PWWP2A: variants seen among roughly 807,000 people sequenced by gnomAD.
The protein encoded by PWWP2A is PWWP domain-containing protein 2A.
PWWP2A carries 18 observed loss-of-function variants against 48.5 expected under a neutral mutation model. The observed-to-expected ratio is 0.37, with a 90% CI of 0.26 to 0.55. The LOEUF (loss-of-function observed/expected upper bound fraction) is 0.55. PWWP2A is among the 20% of genes least tolerant of loss of function. The pLI, the probability that PWWP2A is intolerant of heterozygous loss-of-function variation, is 0.81. For synonymous variants in PWWP2A, 396 were observed against 387.7 expected (o/e 1.02, Z -0.25); for missense variants, 867 against 976.4 (o/e 0.89, Z 1.49).
At chr5:160,054,625 A>T in the PWWP2A span, among the ~76,000 whole-genome samples, 92 of 152,240 alleles carry the variant, frequency 6.0e-4, no homozygotes, top group African/African-American at 2.1e-3. Context: ...AAGAAAAAAG[A>T]AAAGAAAAAT....
chr5:160,093,305 A>T lies in PWWP2A; in HGVS notation c.1345T>A (p.Ser449Thr). The change falls in exon 2 of 2, where the codon TCC (serine) becomes ACC (threonine). Residue 449 changes from serine to threonine, a missense_variant. Physicochemically the swap from Ser to Thr is moderately conservative, Grantham distance 58 (BLOSUM62 1). Coordinates refer to ENST00000307063, the MANE Select transcript of PWWP2A (RefSeq NM_001130864.2). The surrounding 1 kb of genome is among the most constrained non-coding windows in gnomAD (Gnocchi z 5.8). The part of the protein sequence containing the change: ...AQKKQNETST[S>T]KNAHSKVHFT... ...TGGACTTTTGAATGTGCATTTTTGG[A>T]AGTAGAGGTTTCATTTTGCTTCTTT... is the stretch of plus-strand genomic sequence containing the variant. The T allele has an allele frequency of 6.2e-7, 1 of 1,613,878 alleles. No individual in the cohort carries two copies. Among genetic ancestry groups the T allele is most frequent in the Non-Finnish European group, 8.5e-7 (1 of 1,179,852 alleles).
chr5:160,100,670 AACT>A (rs1479612526), intron 1 of PWWP2A, among the ~76,000 whole-genome samples: 1 of 152,240 alleles, frequency 6.6e-6, no homozygotes, highest in African/African-American at 2.4e-5. Flanking sequence ...TGATTTTAGA[AACT>A]ACCTTGCCTT....
chr5:160,073,354 G>A (rs896694532), downstream of PWWP2A, among the ~76,000 whole-genome samples: 3 of 151,470 alleles, frequency 2.0e-5, no homozygotes, highest in East Asian at 2.0e-4. Flanking sequence ...TCAGCCTCCC[G>A]AGTAGCTGGG....
Position 160,077,999 on chromosome 5 carries a change from C to A in PWWP2A, c.*156G>T. ...ATACCTTTTCTTCGGTTTAAGACAG[C>A]ACAATTTGCAAGTGCCCCTTTATAG... On this transcript the variant is annotated 3_prime_UTR_variant, in exon 4 of 4. Coordinates refer to the PWWP2A transcript ENST00000456329. This position sits in a 1 kb window ranked among gnomAD's most constrained non-coding sequence, Gnocchi z 4.2. The A allele has an allele frequency of 1.7e-6, 1 of 603,164 alleles. No homozygotes were observed. Among genetic ancestry groups the A allele is most frequent in the Non-Finnish European group, 3.0e-6 (1 of 336,074 alleles). 37.4% of individuals were successfully genotyped at this position (603,164 alleles called of 1,614,324 possible).
At chr5:160,073,859 G>A (rs1421022113), downstream of PWWP2A, among the ~76,000 whole-genome samples, 2 of 151,976 alleles carry the variant, frequency 1.3e-5, no homozygotes, top group African/African-American at 4.8e-5. Context: ...GAGGTTGGGA[G>A]TTCAAGACCA....
At chr5:160,058,870 C>T (rs1016049059), downstream of PWWP2A, among the ~76,000 whole-genome samples, 1 of 152,138 alleles carries the variant, frequency 6.6e-6, no homozygotes, top group Non-Finnish European at 1.5e-5. Flanking sequence ...CAGTGAGCAG[C>T]AATTTTTTGA....
downstream of PWWP2A, among the ~76,000 whole-genome samples, chr5:160,060,929 G>T (rs975407640): frequency 6.6e-6 from 1 of 152,316 alleles, no homozygotes; most frequent in East Asian, 1.9e-4. Flanking sequence ...GAATAAATGG[G>T]CTCTTTCCCA....
At chr5:160,073,720 C>T (rs566303549), downstream of PWWP2A, among the ~76,000 whole-genome samples, 2 of 152,250 alleles carry the variant, frequency 1.3e-5, no homozygotes, top group Non-Finnish European at 2.9e-5. Flanking sequence ...TCCTTTACCC[C>T]AAGCTCACTA....
At chr5:160,096,444 GGACAA>G (rs1437976141) in intron 1 of PWWP2A, among the ~76,000 whole-genome samples, 2 of 152,126 alleles carry the variant, frequency 1.3e-5, no homozygotes, top group Non-Finnish European at 2.9e-5. Context: ...AAAGATGACA[GGACAA>G]AAGAGGTGCT....
intron 2 of PWWP2A, chr5:160,066,929 G>A (rs137890923): frequency 1.3e-4 from 20 of 152,214 alleles, no homozygotes; most frequent in African/African-American, 4.6e-4. Context: ...CATGCTACTT[G>A]GGAGGCTGAG....
At chr5:160,099,018 G>A (rs949348334) in intron 1 of PWWP2A, among the ~76,000 whole-genome samples, 3 of 152,104 alleles carry the variant, frequency 2.0e-5, no homozygotes, top group African/African-American at 4.8e-5. Flanking sequence ...ACAACTCCTC[G>A]GAGTGTTTGC....
chr5:160,098,166 C>T (rs1581219018), intron 1 of PWWP2A, among the ~76,000 whole-genome samples: 1 of 152,144 alleles, frequency 6.6e-6, no homozygotes, highest in African/African-American at 2.4e-5. Flanking sequence ...TAATATTTCG[C>T]AACTGGATTG....
chr5:160,087,980 T>C (rs1027156561), downstream of PWWP2A, among the ~76,000 whole-genome samples: 4 of 152,214 alleles, frequency 2.6e-5, no homozygotes, highest in African/African-American at 9.6e-5. Flanking sequence ...AACTTCCTAT[T>C]CCTTCGTTCA....
downstream of PWWP2A, among the ~76,000 whole-genome samples, chr5:160,071,036 A>T (rs779710910): frequency 2.0e-5 from 3 of 152,094 alleles, no homozygotes; most frequent in African/African-American, 2.4e-5. Flanking sequence ...AAAAATACAA[A>T]AAGTTAGCCA....
intron 1 of PWWP2A, among the ~76,000 whole-genome samples, chr5:160,098,333 G>A (rs1180461043): frequency 6.6e-6 from 1 of 152,162 alleles, no homozygotes; most frequent in Non-Finnish European, 1.5e-5. Flanking sequence ...TGTGTGGGTA[G>A]TGAATGCCTG....
chr5:160,069,784 T>A (rs1400843255), intron 2 of PWWP2A, among the ~76,000 whole-genome samples: 2 of 152,244 alleles, frequency 1.3e-5, no homozygotes, highest in African/African-American at 4.8e-5. Context: ...CACGGCCATG[T>A]AGAATGAACA....
the PWWP2A span, among the ~76,000 whole-genome samples, chr5:160,046,611 GTTATAT>G: frequency 6.6e-6 from 1 of 151,570 alleles, no homozygotes; most frequent in Admixed American, 6.6e-5. Context: ...AACATGTTAT[GTTATAT>G]TTATGTTTAT....
chr5:160,086,581 T>C (rs1754660534), downstream of PWWP2A, among the ~76,000 whole-genome samples: 1 of 152,000 alleles, frequency 6.6e-6, no homozygotes, highest in Non-Finnish European at 1.5e-5. Context: ...AAGTTTGCTA[T>C]TGGTGTGTTT....
downstream of PWWP2A, among the ~76,000 whole-genome samples, chr5:160,088,896 G>T (rs566943206): frequency 3.9e-5 from 6 of 152,106 alleles, no homozygotes; most frequent in Non-Finnish European, 1.5e-5. Context: ...TTAAACATAA[G>T]CAATTTTTAG....
Sources: gnomAD v4.1 joint callset for allele counts (sites outside exome capture counted in the v4.1 genomes callset) on GRCh38, gnomAD v4.1.1 for gene constraint, Gnocchi (gnomAD v3.1) non-coding constraint, MANE v1.5 for transcripts, NCBI Gene and HGNC (gene_info 2026-07-23, HGNC 2026-07-21) for gene names.